KHDRBS2: variants seen among roughly 807,000 people sequenced by gnomAD.
KHDRBS2 encodes the protein KH domain-containing, RNA-binding, signal transduction-associated protein 2.
In KHDRBS2, 26 loss-of-function variants were observed where a neutral mutation model predicts 44.3. The ratio of observed to expected loss-of-function variants is 0.59; its 90% CI spans 0.43 to 0.81. The LOEUF is 0.81. KHDRBS2 is among the 40% of genes least tolerant of loss of function. The pLI is 0.00. For missense variants in KHDRBS2, 476 were observed against 433.1 expected (o/e 1.10, Z -0.88); for synonymous variants, 194 against 151.1 (o/e 1.28, Z -2.08).
chr6:62,097,365 C>A (rs1562849578), intron 2 of KHDRBS2, among the ~76,000 whole-genome samples: 1 of 151,976 alleles, frequency 6.6e-6, no homozygotes, highest in African/African-American at 2.4e-5. Context: ...GACTATTTCT[C>A]TCTCTTTAAG....
chr6:62,047,650 A>G (rs554367135), intron 3 of KHDRBS2, among the ~76,000 whole-genome samples: 7 of 151,966 alleles, frequency 4.6e-5, no homozygotes, highest in Non-Finnish European at 7.4e-5. Context: ...ACAAAGGACT[A>G]AAGAAAATGA....
At chr6:61,549,733 C>G in the KHDRBS2 span, among the ~76,000 whole-genome samples, 1 of 152,046 alleles carries the variant, frequency 6.6e-6, no homozygotes, top group African/African-American at 2.4e-5. Context: ...GATAAGTAAC[C>G]TTTTCAGATG....
chr6:61,719,560 T>G (rs1202308815), intron 7 of KHDRBS2, among the ~76,000 whole-genome samples: 1 of 152,102 alleles, frequency 6.6e-6, no homozygotes, highest in Non-Finnish European at 1.5e-5. Context: ...AAGTCAAAAC[T>G]TCAAGTATGT....
the KHDRBS2 span, among the ~76,000 whole-genome samples, chr6:61,653,652 T>C: frequency 3.3e-5 from 5 of 151,486 alleles, no homozygotes; most frequent in Admixed American, 3.3e-4. Context: ...AAATATACCA[T>C]TTCATAAAAC....
chr6:62,088,678 G>A (rs1295987172), intron 2 of KHDRBS2, among the ~76,000 whole-genome samples: 1 of 152,132 alleles, frequency 6.6e-6, no homozygotes, highest in Non-Finnish European at 1.5e-5. Context: ...AGGCATGGGG[G>A]ACAGGGACCC....
intron 2 of KHDRBS2, among the ~76,000 whole-genome samples, chr6:62,120,771 C>G (rs1459917531): frequency 1.3e-5 from 2 of 152,086 alleles, no homozygotes; most frequent in Non-Finnish European, 2.9e-5. Flanking sequence ...CAATTTAGGA[C>G]TTGAACCAGT....
chr6:62,083,741 AG>A (rs1385579993), intron 2 of KHDRBS2, among the ~76,000 whole-genome samples: 1 of 152,148 alleles, frequency 6.6e-6, no homozygotes, highest in Admixed American at 6.5e-5. Flanking sequence ...AGTCCTGCAA[AG>A]GGGTCAAGGG....
intron 6 of KHDRBS2, among the ~76,000 whole-genome samples, chr6:61,765,002 A>T (rs1336746015): frequency 6.6e-6 from 1 of 152,190 alleles, no homozygotes; most frequent in African/African-American, 2.4e-5. Context: ...TTTACATTGA[A>T]ATCAAGATTA....
chr6:62,062,934 T>C (rs1792385475), intron 2 of KHDRBS2, among the ~76,000 whole-genome samples: 1 of 149,884 alleles, frequency 6.7e-6, no homozygotes, highest in Admixed American at 6.7e-5. Context: ...CAATAAAAAA[T>C]GATAAAGGGG....
intron 6 of KHDRBS2, among the ~76,000 whole-genome samples, chr6:61,882,381 T>C (rs1192912136): frequency 2.0e-5 from 3 of 152,062 alleles, no homozygotes; most frequent in Admixed American, 1.3e-4. Flanking sequence ...AGAATGAATG[T>C]GAATATGTGA....
At chr6:62,154,232 G>C (rs572555672) in intron 2 of KHDRBS2, among the ~76,000 whole-genome samples, 59 of 152,140 alleles carry the variant, frequency 3.9e-4, no homozygotes, top group African/African-American at 1.3e-3. Context: ...CAGGCTCCAG[G>C]GACACACCAC....
chr6:62,098,208 T>A (rs374991073), intron 2 of KHDRBS2, among the ~76,000 whole-genome samples: 59 of 151,810 alleles, frequency 3.9e-4, no homozygotes, highest in African/African-American at 1.3e-3. Flanking sequence ...TTTGTTCATA[T>A]ACTTACTCTT....
intron 6 of KHDRBS2, among the ~76,000 whole-genome samples, chr6:61,827,328 G>T (rs1791051493): frequency 6.6e-6 from 1 of 152,198 alleles, no homozygotes; most frequent in Non-Finnish European, 1.5e-5. Context: ...TAACTTTGTA[G>T]AAGTAGGGAT....
At chr6:62,110,342 G>T (rs1021035894) in intron 2 of KHDRBS2, among the ~76,000 whole-genome samples, 14 of 151,908 alleles carry the variant, frequency 9.2e-5, no homozygotes, top group African/African-American at 3.4e-4. Flanking sequence ...CCAAGAGAAA[G>T]AAATATCTGT....
intron 4 of KHDRBS2, among the ~76,000 whole-genome samples, chr6:61,929,487 C>T (rs1376892709): frequency 6.6e-6 from 1 of 152,108 alleles, no homozygotes; most frequent in East Asian, 1.9e-4. Flanking sequence ...TGCCCAAAGG[C>T]CGTTCCACCA....
In KHDRBS2 at chr6:61,816,911, G is replaced by T. The variant is rs1477207149; in HGVS notation, c.810+77724C>A. On this transcript the variant is annotated intron_variant, in intron 6 of 8. Coordinates refer to ENST00000281156, the MANE Select transcript of KHDRBS2 (RefSeq NM_152688.4). The stretch of plus-strand genomic sequence containing the variant: ...TTTACAATTTATGCAGTAGCTAGAA[G>T]TTAGTCATTTCCATCTTTAGCATTT... 3 of 455,468 alleles carry T rather than the reference G, an allele frequency of 6.6e-6. No homozygotes were observed. In the East Asian group the frequency reaches 2.1e-4, roughly 32 times the overall value. 28.2% of individuals were successfully genotyped at this position (455,468 alleles called of 1,614,324 possible). A position where few individuals can be genotyped will look rare whatever the true frequency, so the allele number is the denominator to read the frequency against.
chr6:61,954,699 T>C (rs1186592780), intron 4 of KHDRBS2, among the ~76,000 whole-genome samples: 2 of 102,358 alleles, frequency 2.0e-5, no homozygotes, highest in Admixed American at 9.9e-5. Flanking sequence ...TATACATACA[T>C]ATGTGTATAT....
chr6:61,640,494 G>A, the KHDRBS2 span, among the ~76,000 whole-genome samples: 1 of 151,996 alleles, frequency 6.6e-6, no homozygotes, highest in Admixed American at 6.6e-5. Context: ...CATTCCACTG[G>A]TCGCTTAATG....
chr6:61,858,525 G>T (rs1470946224), intron 6 of KHDRBS2, among the ~76,000 whole-genome samples: 1 of 151,834 alleles, frequency 6.6e-6, no homozygotes, highest in African/African-American at 2.4e-5. Flanking sequence ...TTTGTGAAAA[G>T]ACATGTACTT....
Sources: allele counts gnomAD v4.1 joint callset (sites outside exome capture counted in the v4.1 genomes callset), GRCh38; gene constraint gnomAD v4.1.1; transcripts MANE v1.5; gene names NCBI Gene and HGNC (gene_info 2026-07-23, HGNC 2026-07-21).